GABBR2: variants seen among roughly 807,000 people sequenced by gnomAD.
GABBR2 encodes the protein G-protein coupled receptor 51.
A neutral mutation model predicts 105.6 loss-of-function variants in GABBR2; 23 were observed. The ratio of observed to expected loss-of-function variants is 0.22; its 90% confidence interval spans 0.16 to 0.31. The LOEUF (loss-of-function observed/expected upper bound fraction) is 0.31, where lower values mean the gene tolerates loss of function less well. Among genes scored for constraint, GABBR2 ranks in the 10% least tolerant of loss-of-function variants. GABBR2 has a pLI of 1.00. For synonymous variants in GABBR2, 478 were observed against 499.7 expected (o/e 0.96, Z 0.58); for missense variants, 734 against 1,245.5 (o/e 0.59, Z 6.18).
In GABBR2 at chr9:98,578,389, G is replaced by T. The variant is rs1324884533; in HGVS notation, c.322-317C>A. ...CGCCCTGGGATCTCACTTTTTCATG[G>T]CCATTTATATTTTAAGGATGATCCC... On this transcript the variant is annotated intron_variant, in intron 1 of 18. Coordinates refer to ENST00000259455, the MANE Select transcript of GABBR2 (RefSeq NM_005458.8). Among the ~76,000 whole-genome samples, 3 of 152,062 alleles carry T rather than the reference G, an allele frequency of 2.0e-5. No homozygotes were observed. In the East Asian group the frequency reaches 5.8e-4, roughly 29 times the overall value.
intron 1 of GABBR2, among the ~76,000 whole-genome samples, chr9:98,667,829 G>T (rs1352767987): frequency 6.6e-6 from 1 of 152,210 alleles, no homozygotes; most frequent in South Asian, 2.1e-4. Flanking sequence ...AGTGGATACT[G>T]TGGGGCTCCA....
chr9:98,678,317 C>T lies in GABBR2; in HGVS notation c.321+30100G>A, dbSNP rs181622767. On this transcript the variant is annotated intron_variant, in intron 1 of 18. Coordinates refer to ENST00000259455, the MANE Select transcript of GABBR2 (RefSeq NM_005458.8). ...GAACTATCCTGGGGACACTACCAAC[C>T]ACTGCCAGCTCTAACCACTGGCACC... Among the ~76,000 whole-genome samples, 4 of 152,332 alleles carry T rather than the reference C, an allele frequency of 2.6e-5. No individual in the cohort carries two copies. The East Asian group carries it at 7.7e-4, about 29-fold the overall frequency.
chr9:98,594,281 G>A (rs750230919), intron 1 of GABBR2, among the ~76,000 whole-genome samples: 6 of 152,284 alleles, frequency 3.9e-5, no homozygotes, highest in African/African-American at 9.6e-5. Context: ...TTTCTGGCCC[G>A]CCTCCCACCC....
chr9:98,478,001 C>A (rs1226440132), intron 5 of GABBR2, among the ~76,000 whole-genome samples: 2 of 152,168 alleles, frequency 1.3e-5, no homozygotes, highest in African/African-American at 4.8e-5. Flanking sequence ...CCAGAACCCA[C>A]ATTAGAGTGC....
intron 1 of GABBR2, among the ~76,000 whole-genome samples, chr9:98,668,397 G>T (rs1830364760): frequency 6.6e-6 from 1 of 152,124 alleles, no homozygotes; most frequent in Admixed American, 6.6e-5. Context: ...CATTTTATGG[G>T]TTTTTTTCAC....
At chr9:98,608,879 C>T (rs1465499020) in intron 1 of GABBR2, among the ~76,000 whole-genome samples, 2 of 152,118 alleles carry the variant, frequency 1.3e-5, no homozygotes, top group African/African-American at 2.4e-5. Flanking sequence ...AACAAGGAAA[C>T]TTTCTTTAAC....
intron 4 of GABBR2, among the ~76,000 whole-genome samples, chr9:98,483,694 C>T (rs986162163): frequency 6.6e-6 from 1 of 152,166 alleles, no homozygotes; most frequent in African/African-American, 2.4e-5. Context: ...GTGCCCTTCC[C>T]TCTCCTCCCA....
chr9:98,327,862 G>T (rs1277190250), intron 13 of GABBR2, among the ~76,000 whole-genome samples: 1 of 128,916 alleles, frequency 7.8e-6, no homozygotes, highest in Non-Finnish European at 1.7e-5. Context: ...GAGTGAGACT[G>T]TCTCAAAAAA....
chr9:98,350,379 A>G (rs983698949), intron 13 of GABBR2, among the ~76,000 whole-genome samples: 5 of 152,104 alleles, frequency 3.3e-5, no homozygotes, highest in African/African-American at 1.2e-4. Flanking sequence ...GTTAATTGCT[A>G]TACGTTTCCC....
chr9:98,315,244 A>G (rs1277951938), intron 13 of GABBR2, among the ~76,000 whole-genome samples: 1 of 152,094 alleles, frequency 6.6e-6, no homozygotes, highest in Non-Finnish European at 1.5e-5. Flanking sequence ...AACAAACACG[A>G]TGGGTCCACT....
intron 1 of GABBR2, among the ~76,000 whole-genome samples, chr9:98,590,327 A>G (rs1318573542): frequency 6.6e-6 from 1 of 152,210 alleles, no homozygotes; most frequent in Non-Finnish European, 1.5e-5. Flanking sequence ...AAAAACTGGC[A>G]TTTCTGTATT....
At chr9:98,509,016 C>G (rs569194949) in intron 3 of GABBR2, among the ~76,000 whole-genome samples, 1 of 152,324 alleles carries the variant, frequency 6.6e-6, no homozygotes, top group African/African-American at 2.4e-5. Flanking sequence ...GGGAGGCACA[C>G]CCCAGTAGGG....
At chr9:98,620,253 C>CTCTT (rs1259468052) in intron 1 of GABBR2, among the ~76,000 whole-genome samples, 1 of 151,092 alleles carries the variant, frequency 6.6e-6, no homozygotes, top group Non-Finnish European at 1.5e-5. Flanking sequence ...CTCTTTCTCT[C>CTCTT]TCTCTCTCTC....
In GABBR2 at chr9:98,404,916, A is replaced by G. The variant is rs190261330; in HGVS notation, c.1297+1165T>C. Among the ~76,000 whole-genome samples the G allele has an allele frequency of 6.8e-3, 1,036 of 152,286 alleles. 4 individuals carry two copies. The highest frequency in any genetic ancestry group is 0.011 in the Admixed American group (164 of 15,290). ...GGAATTTGTGTGGATTTTCCAACAAATCATCTGTGAAGACATCGTTGAGAT... is the reference window on the plus strand; with the variant it reads ...GGAATTTGTGTGGATTTTCCAACAAGTCATCTGTGAAGACATCGTTGAGAT... On this transcript the variant is annotated intron_variant, in intron 8 of 18. Transcript: ENST00000259455.
intron 3 of GABBR2, among the ~76,000 whole-genome samples, chr9:98,532,179 G>C (rs1828079876): frequency 1.3e-5 from 2 of 152,148 alleles, no homozygotes; most frequent in Non-Finnish European, 2.9e-5. Flanking sequence ...ACCATTCTCT[G>C]GGAAATAATG....
intron 11 of GABBR2, among the ~76,000 whole-genome samples, chr9:98,382,352 C>T (rs1340511467): frequency 6.6e-6 from 1 of 152,084 alleles, no homozygotes; most frequent in Admixed American, 6.5e-5. Context: ...CTCGCTCTGT[C>T]GCCCAGGCAG....
intron 13 of GABBR2, among the ~76,000 whole-genome samples, chr9:98,315,221 C>A (rs1445416793): frequency 6.6e-6 from 1 of 152,164 alleles, no homozygotes; most frequent in Non-Finnish European, 1.5e-5. Flanking sequence ...ACAGTCCTGG[C>A]AGGAGGGTAG....
chr9:98,589,558 G>C (rs1829119240), intron 1 of GABBR2, among the ~76,000 whole-genome samples: 2 of 152,308 alleles, frequency 1.3e-5, no homozygotes, highest in South Asian at 4.2e-4. Flanking sequence ...GGTAAAGACA[G>C]TTGAGAGAGA....
chr9:98,329,828 C>T (rs921575694), intron 13 of GABBR2, among the ~76,000 whole-genome samples: 12 of 151,872 alleles, frequency 7.9e-5, no homozygotes, highest in Non-Finnish European at 5.9e-5. Context: ...TCTCCCTTCC[C>T]TCCCCATCTC....
Sources: gnomAD v4.1 joint callset for allele counts (sites outside exome capture counted in the v4.1 genomes callset) on GRCh38, gnomAD v4.1.1 for gene constraint, MANE v1.5 for transcripts, NCBI Gene and HGNC (gene_info 2026-07-23, HGNC 2026-07-21) for gene names.